Variants in SNTB1 observed in about 807,000 individuals in gnomAD.
The protein encoded by SNTB1 is syntrophin beta 1, also known as beta-1-syntrophin.
SNTB1 carries 36 observed loss-of-function variants against 48.9 expected under a neutral mutation model. The ratio of observed to expected loss-of-function variants is 0.74; its 90% CI spans 0.56 to 0.97. The LOEUF is 0.97. Ranked by LOEUF, SNTB1 falls within the 50% of genes least tolerant of loss-of-function variation. The pLI is 0.00. For synonymous variants in SNTB1, 299 were observed against 294.6 expected (o/e 1.01, Z -0.15); for missense variants, 786 against 703.4 (o/e 1.12, Z -1.33).
At chr8:120,713,978 A>C (rs1349154169) in intron 1 of SNTB1, among the ~76,000 whole-genome samples, 1 of 152,224 alleles carries the variant, frequency 6.6e-6, no homozygotes, top group Non-Finnish European at 1.5e-5. Flanking sequence ...TGTTAGAGCC[A>C]GGAAGAGGAA....
In SNTB1 at chr8:120,541,825, G is replaced by C; in HGVS notation, c.1509C>G (p.Gly503=). 2 of 1,611,478 alleles carry C rather than the reference G, an allele frequency of 1.2e-6. No individual in the cohort carries two copies. Among genetic ancestry groups the C allele is most frequent in the Non-Finnish European group, 1.7e-6 (2 of 1,178,906 alleles). ...GTACACTTACAATCTCTCCATCTTTGCCTCCAAAATCTAAATACAGCATCC... is the reference window on the plus strand; with the variant it reads ...GTACACTTACAATCTCTCCATCTTTCCCTCCAAAATCTAAATACAGCATCC... ...GIRMLYLDFG[G]KDGEIQLDLH... is the part of the protein sequence containing the mutation. The change falls in exon 6 of 7, where the codon GGC becomes GGG. Residue 503 remains glycine, a synonymous_variant. Transcript: ENST00000517992.
intron 5 of SNTB1, among the ~76,000 whole-genome samples, 188 bp downstream of exon 5, chr8:120,548,574 T>C (rs1815422184): frequency 6.6e-6 from 1 of 152,178 alleles, no homozygotes; most frequent in South Asian, 2.1e-4. Context: ...TAAGTCTTTC[T>C]ATAATCAAAG....
At chr8:120,556,202 T>C (rs1191628106) in intron 4 of SNTB1, among the ~76,000 whole-genome samples, 1 of 152,156 alleles carries the variant, frequency 6.6e-6, no homozygotes. Flanking sequence ...AGCTCCAGTT[T>C]TGGGGAGACT....
At chr8:120,788,812 T>C (rs1414001446) in intron 1 of SNTB1, among the ~76,000 whole-genome samples, 1 of 152,008 alleles carries the variant, frequency 6.6e-6, no homozygotes, top group Admixed American at 6.6e-5. Flanking sequence ...CAACACTCCA[T>C]TGACAGCACT....
At chr8:120,730,817 G>A (rs1210566761) in intron 1 of SNTB1, among the ~76,000 whole-genome samples, 1 of 152,040 alleles carries the variant, frequency 6.6e-6, no homozygotes, top group Non-Finnish European at 1.5e-5. Flanking sequence ...CCTGCCATGG[G>A]TTTGCTTAAT....
At chr8:120,722,167 T>G (rs1818672170) in intron 1 of SNTB1, among the ~76,000 whole-genome samples, 1 of 152,198 alleles carries the variant, frequency 6.6e-6, no homozygotes, top group African/African-American at 2.4e-5. Flanking sequence ...GTTCTGTGAA[T>G]AGTGAATAGT....
chr8:120,616,298 AT>A (rs137921428), intron 3 of SNTB1, among the ~76,000 whole-genome samples: 43,337 of 121,974 alleles, frequency 0.36, 7,611 homozygotes, highest in African/African-American at 0.57. Context: ...GATTAGCTTG[AT>A]TTTTTTTTTT....
intron 2 of SNTB1, among the ~76,000 whole-genome samples, chr8:120,688,597 T>C (rs375034586): frequency 1.6e-4 from 24 of 152,252 alleles, no homozygotes; most frequent in African/African-American, 5.1e-4. Context: ...AATGAATTAT[T>C]TGACACAGAA....
chr8:120,717,207 G>A (rs954269693), intron 1 of SNTB1, among the ~76,000 whole-genome samples: 2 of 152,160 alleles, frequency 1.3e-5, no homozygotes, highest in Admixed American at 6.5e-5. Context: ...AGGCCACTAC[G>A]GACCTCACTG....
chr8:120,624,723 A>C (rs934032631), intron 3 of SNTB1, among the ~76,000 whole-genome samples: 23 of 42,232 alleles, frequency 5.4e-4, no homozygotes, highest in Non-Finnish European at 7.5e-4. Flanking sequence ...AGTCTCATCT[A>C]CATCAGATAT....
At chr8:120,689,290 G>T (rs1487330428) in intron 2 of SNTB1, among the ~76,000 whole-genome samples, 1 of 152,176 alleles carries the variant, frequency 6.6e-6, no homozygotes, top group Non-Finnish European at 1.5e-5. Context: ...TCAGGTTTTA[G>T]CTCCCAGGAC....
intron 3 of SNTB1, among the ~76,000 whole-genome samples, chr8:120,580,458 A>G (rs1353549556): frequency 6.6e-6 from 1 of 152,130 alleles, no homozygotes; most frequent in East Asian, 1.9e-4. Flanking sequence ...AAAACTTCCT[A>G]CATGATGGGT....
chr8:120,727,519 C>T (rs747213924), intron 1 of SNTB1, among the ~76,000 whole-genome samples: 5 of 152,228 alleles, frequency 3.3e-5, no homozygotes, highest in African/African-American at 4.8e-5. Context: ...ATCACATTGG[C>T]GCAGTGCTTC....
At chr8:120,722,873 T>C (rs1380874650) in intron 1 of SNTB1, among the ~76,000 whole-genome samples, 1 of 152,272 alleles carries the variant, frequency 6.6e-6, no homozygotes, top group South Asian at 2.1e-4. Context: ...TTTATGGTTT[T>C]AGGTCTAACA....
chr8:120,645,088 G>A (rs75158115), intron 2 of SNTB1, among the ~76,000 whole-genome samples: 33,250 of 145,290 alleles, frequency 0.23, 3,746 homozygotes, highest in Middle Eastern at 0.3. Flanking sequence ...AGTAGGTTGC[G>A]AAAATTTTCT....
intron 6 of SNTB1, among the ~76,000 whole-genome samples, chr8:120,540,808 G>A (rs543933022): frequency 1.7e-4 from 26 of 152,242 alleles, no homozygotes; most frequent in African/African-American, 6.0e-4. Flanking sequence ...TGCCTGTGGC[G>A]CTCATGGCAA....
At chr8:120,686,598 G>T (rs1487289888) in intron 2 of SNTB1, among the ~76,000 whole-genome samples, 1 of 151,790 alleles carries the variant, frequency 6.6e-6, no homozygotes, top group Non-Finnish European at 1.5e-5. Flanking sequence ...TTTGGGGGGT[G>T]GGGGGACACA....
chr8:120,685,541 T>TA (rs1818016341), intron 2 of SNTB1, among the ~76,000 whole-genome samples: 1 of 152,192 alleles, frequency 6.6e-6, no homozygotes, highest in South Asian at 2.1e-4. Context: ...GCAGAGTCAT[T>TA]AAATTGTTCT....
intron 1 of SNTB1, among the ~76,000 whole-genome samples, chr8:120,756,036 G>A (rs1050927878): frequency 5.3e-5 from 8 of 152,146 alleles, no homozygotes; most frequent in Admixed American, 3.9e-4. Flanking sequence ...TCCATGGATT[G>A]CTATCTTTCA....
Sources: gnomAD v4.1 joint callset for allele counts (sites outside exome capture counted in the v4.1 genomes callset) on GRCh38, gnomAD v4.1.1 for gene constraint, MANE v1.5 for transcripts, NCBI Gene and HGNC (gene_info 2026-07-23, HGNC 2026-07-21) for gene names.